Variants in EVC observed in about 807,000 individuals in gnomAD.
EVC encodes the protein EvC ciliary complex subunit 1.
A neutral mutation model predicts 118.9 loss-of-function variants in EVC; 116 were observed. The observed-to-expected ratio is 0.98, with a 90% CI of 0.84 to 1.14. The LOEUF is 1.14. EVC is among the 50% of genes most tolerant of loss of function. The pLI, the probability that EVC is intolerant of heterozygous loss-of-function variation, is 0.00. For synonymous variants in EVC, 619 were observed against 534.7 expected, an observed-to-expected ratio of 1.16 and a Z score of -2.18; for missense variants, 1,401 against 1,246.4, an observed-to-expected ratio of 1.12 and a Z score of -1.87.
intron 5 of EVC, among the ~76,000 whole-genome samples, chr4:5,740,559 A>G (rs1266740761): frequency 6.6e-6 from 1 of 152,136 alleles, no homozygotes; most frequent in Admixed American, 6.5e-5. Context: ...CTTGACACCA[A>G]AAGCATGACA....
chr4:5,818,461 C>T (rs1332709046), downstream of EVC, among the ~76,000 whole-genome samples: 1 of 152,264 alleles, frequency 6.6e-6, no homozygotes, highest in Non-Finnish European at 1.5e-5. Context: ...TGGCAAGAGA[C>T]TTATGTTGAA....
At chr4:5,718,211 GA>G (rs1724307736) in intron 1 of EVC, among the ~76,000 whole-genome samples, 1 of 152,140 alleles carries the variant, frequency 6.6e-6, no homozygotes. Flanking sequence ...TTCCTGGGGG[GA>G]AAACAGGGTT....
At position 5,756,546 on chromosome 4, in the gene EVC, C is replaced by T. The variant is rs1040595503; in HGVS notation, c.1563+184C>T. On this transcript the variant is annotated intron_variant, in intron 11 of 20. Transcript: ENST00000264956. The surrounding 1 kb of genome is among the most constrained non-coding windows in gnomAD (Gnocchi z 4.2). ...TCCTTGCCCACATCAGAAACCGAGG[C>T]AGTTGGCCTTGGTCCTCTCTGAGGC... is the stretch of plus-strand genomic sequence containing the variant. 2.6e-5 allele frequency among the ~76,000 whole-genome samples: 4 copies of T among 152,182 alleles called. No individual in the cohort carries two copies. The highest frequency in any genetic ancestry group is 5.9e-5 in the Non-Finnish European group (4 of 68,034).
intron 16 of EVC, among the ~76,000 whole-genome samples, chr4:5,803,101 G>T (rs1715297552): frequency 6.6e-6 from 1 of 152,172 alleles, no homozygotes. Flanking sequence ...TGATAGAAAG[G>T]ACAGTATCCC....
intron 16 of EVC, among the ~76,000 whole-genome samples, chr4:5,803,693 T>C (rs891580563): frequency 6.6e-6 from 1 of 152,214 alleles, no homozygotes; most frequent in African/African-American, 2.4e-5. Context: ...ATCTGTTTTA[T>C]TTAAGAGTTG....
chr4:5,771,287 A>T (rs1733915618), intron 11 of EVC, among the ~76,000 whole-genome samples: 2 of 152,114 alleles, frequency 1.3e-5, no homozygotes, highest in South Asian at 4.1e-4. Flanking sequence ...AAGGCCACCC[A>T]CATTCCTTGG....
At chr4:5,802,922 A>C (rs908656847) in intron 16 of EVC, among the ~76,000 whole-genome samples, 3 of 152,088 alleles carry the variant, frequency 2.0e-5, no homozygotes, top group Non-Finnish European at 2.9e-5. Context: ...TCTGCCTGCA[A>C]ATCCTAATTA....
chr4:5,740,418 C>T (rs968771286), intron 5 of EVC, among the ~76,000 whole-genome samples: 5 of 149,386 alleles, frequency 3.3e-5, no homozygotes, highest in African/African-American at 5.0e-5. Flanking sequence ...TTGCAGTGAG[C>T]CAAGATTGCA....
intron 4 of EVC, among the ~76,000 whole-genome samples, chr4:5,732,623 C>T (rs1199559354): frequency 6.6e-6 from 1 of 152,224 alleles, no homozygotes; most frequent in African/African-American, 2.4e-5. Flanking sequence ...TTGTCTGATT[C>T]TCTCTTCCCT....
At chr4:5,780,674 A>C (rs1273669270) in intron 11 of EVC, among the ~76,000 whole-genome samples, 1 of 152,224 alleles carries the variant, frequency 6.6e-6, no homozygotes, top group Non-Finnish European at 1.5e-5. Flanking sequence ...GGACAATCAT[A>C]CAACCAGTGC....
At chr4:5,799,222 G>A (rs949093333) in intron 15 of EVC, among the ~76,000 whole-genome samples, 4 of 152,182 alleles carry the variant, frequency 2.6e-5, no homozygotes, top group Non-Finnish European at 4.4e-5. Flanking sequence ...TCATCCTGAC[G>A]GCTGAGCAAT....
chr4:5,728,819 C>A (rs1485706316), intron 2 of EVC, among the ~76,000 whole-genome samples: 1 of 152,212 alleles, frequency 6.6e-6, no homozygotes, highest in Non-Finnish European at 1.5e-5. Flanking sequence ...TTAGGAGACT[C>A]TCTTGTTAAT....
At chr4:5,828,322 TCAGA>T in the EVC span, 1 of 981,584 alleles carries the variant, frequency 1.0e-6, no homozygotes, top group Non-Finnish European at 1.2e-6. Context: ...ACTCCTGTCC[TCAGA>T]CAGGAGCCCA....
chr4:5,800,642 G>A (rs758844379), intron 15 of EVC, among the ~76,000 whole-genome samples: 19 of 152,090 alleles, frequency 1.2e-4, no homozygotes, highest in Non-Finnish European at 2.1e-4. Flanking sequence ...GCTGACCTTC[G>A]GGGAAAGAGG....
At chr4:5,828,519 G>T in the EVC span, 2 of 1,614,228 alleles carry the variant, frequency 1.2e-6, no homozygotes, top group Admixed American at 1.7e-5. Context: ...GCTGGTACAG[G>T]TGCTCCGGGA....
intron 2 of EVC, among the ~76,000 whole-genome samples, chr4:5,724,948 C>T (rs1035312830): frequency 6.6e-6 from 1 of 152,030 alleles, no homozygotes; most frequent in Non-Finnish European, 1.5e-5. Flanking sequence ...CATTGTCTAG[C>T]TTCTACTTAT....
At chr4:5,807,016 C>T (rs923561891) in intron 17 of EVC, among the ~76,000 whole-genome samples, 24 of 152,072 alleles carry the variant, frequency 1.6e-4, no homozygotes, top group Admixed American at 1.3e-3. Context: ...TCCATAGGCA[C>T]GGTTTCTAGT....
chr4:5,748,187 T>C lies in EVC; in HGVS notation c.979T>C (p.Phe327Leu), dbSNP rs1287282169. The C allele has an allele frequency of 6.2e-7, 1 of 1,614,128 alleles. No individual in the cohort carries two copies. Among genetic ancestry groups the C allele is most frequent in the Non-Finnish European group, 8.5e-7 (1 of 1,180,058 alleles). The part of the protein sequence containing the change: ...FWKQMANIQH[F>L]LVDQFKCSSS... ...GAAACAGATGGCAAATATCCAGCAC[T>C]TTCTTGTGGACCAGTTTAAGTGTTC... The change falls in exon 8 of 21, where the codon TTT becomes CTT. Residue 327 changes from phenylalanine to leucine, a missense_variant. By Grantham distance (22) the Phe-to-Leu change is conservative. Coordinates refer to ENST00000264956, the MANE Select transcript of EVC (RefSeq NM_153717.3).
chr4:5,768,648 A>G (rs1483271788), intron 11 of EVC, among the ~76,000 whole-genome samples: 9 of 151,872 alleles, frequency 5.9e-5, no homozygotes, highest in Non-Finnish European at 8.8e-5. Context: ...CTTGAGGTCA[A>G]GAGTTCAAGA....
Sources: gnomAD v4.1 joint callset for allele counts (sites outside exome capture counted in the v4.1 genomes callset) on GRCh38, gnomAD v4.1.1 for gene constraint, Gnocchi (gnomAD v3.1) non-coding constraint, MANE v1.5 for transcripts, NCBI Gene and HGNC (gene_info 2026-07-23, HGNC 2026-07-21) for gene names.